The following SLC25A46 variants were observed in gnomAD, a reference collection of about 807,000 sequenced individuals.
SLC25A46 encodes the protein solute carrier family 25 member 46, also known as mitochondrial outer membrane protein SLC25A46.
Under a neutral mutation model 44.6 loss-of-function variants are expected in SLC25A46, and 39 were observed. The ratio of observed to expected loss-of-function variants is 0.87; its 90% CI spans 0.68 to 1.14. The LOEUF (loss-of-function observed/expected upper bound fraction) is 1.14. Ranked by LOEUF, SLC25A46 falls within the 50% of genes most tolerant of loss-of-function variation. The probability of loss-of-function intolerance (pLI) is 0.00; values close to 1 mark genes in which losing one functional copy is unlikely to be tolerated. For missense variants in SLC25A46, 547 were observed against 522.7 expected (o/e 1.05, Z -0.45); for synonymous variants, 202 against 185.8 (o/e 1.09, Z -0.71).
chr5:110,746,381 T>C, intron 4 of SLC25A46, 35 bp downstream of exon 4: 3 of 1,408,340 alleles, frequency 2.1e-6, no homozygotes, highest in Non-Finnish European at 2.9e-6. Flanking sequence ...TAAAGGTTTA[T>C]ATAAGTGTCA....
At chr5:110,742,513 G>A (rs1046761151) in intron 2 of SLC25A46, among the ~76,000 whole-genome samples, 1 of 152,048 alleles carries the variant, frequency 6.6e-6, no homozygotes, top group Admixed American at 6.5e-5. Flanking sequence ...ATGATGCCAT[G>A]TAACTGACGT....
rs1389225741 is a variant in SLC25A46, at chr5:110,739,137, G to A, written c.18G>A (p.Pro6=). Residue 6 remains proline, a synonymous_variant, in exon 1 of 8, where the codon CCG becomes CCA. Coordinates refer to ENST00000355943, the MANE Select transcript of SLC25A46 (RefSeq NM_138773.4). MHPRR[P]DGFDGLGYRG... The stretch of plus-strand genomic sequence containing the variant: ...CCGCTGCGATGCATCCGCGGCGCCC[G>A]GACGGATTTGATGGCTTGGGCTACC... 6.5e-6 allele frequency: 10 copies of A among 1,548,520 alleles called. No homozygotes were observed. The highest frequency in any genetic ancestry group is 7.8e-6 in the Non-Finnish European group (9 of 1,146,718).
intron 4 of SLC25A46, 91 bp downstream of exon 4, chr5:110,746,437 G>A: frequency 1.2e-6 from 1 of 854,926 alleles, no homozygotes; most frequent in Middle Eastern, 2.5e-4. Context: ...CTTTCAGTTT[G>A]GTCAATAAAA....
chr5:110,741,467 T>G (rs2150407762), intron 1 of SLC25A46, among the ~76,000 whole-genome samples: 1 of 152,294 alleles, frequency 6.6e-6, no homozygotes, highest in East Asian at 1.9e-4. Flanking sequence ...AATTTAGAGG[T>G]GCTTTACTTG....
upstream of SLC25A46, chr5:110,738,867 A>G (rs1799498204): frequency 2.0e-5 from 16 of 813,136 alleles, no homozygotes; most frequent in Non-Finnish European, 2.8e-5. Context: ...ATTCCCACCT[A>G]TTCCCTAACG....
At chr5:110,757,613 G>A (rs1421277063) in intron 7 of SLC25A46, among the ~76,000 whole-genome samples, 2 of 151,782 alleles carry the variant, frequency 1.3e-5, no homozygotes, top group Non-Finnish European at 2.9e-5. Context: ...TATTATTTCT[G>A]TTAGAACTAA....
In SLC25A46 at chr5:110,740,755, T is replaced by C. The variant is rs185128872; in HGVS notation, c.284-1292T>C. ...TCACGAGGTCAGGAGATCGAGACCA[T>C]CCTGGCTAACACGATGAAACCCCGT... On this transcript the variant is annotated intron_variant, in intron 1 of 7. Coordinates refer to ENST00000355943, the MANE Select transcript of SLC25A46 (RefSeq NM_138773.4). Among the ~76,000 whole-genome samples the C allele has an allele frequency of 8.9e-3, 1,351 of 152,024 alleles. 20 individuals are homozygous for C. The highest frequency in any genetic ancestry group is 0.031 in the African/African-American group (1,267 of 41,446).
At chr5:110,740,824 T>C (rs6880116) in intron 1 of SLC25A46, among the ~76,000 whole-genome samples, 258 of 152,250 alleles carry the variant, frequency 1.7e-3, no homozygotes, top group African/African-American at 5.8e-3. Flanking sequence ...TGGTGGCGGA[T>C]GCCTGTAGTC....
chr5:110,738,732 C>A, upstream of SLC25A46: 1 of 263,648 alleles, frequency 3.8e-6, no homozygotes, highest in Non-Finnish European at 7.2e-6. Context: ...CGGGTAGGCT[C>A]CACCCGCGGG....
chr5:110,757,015 C>CATT (rs1302214003), intron 7 of SLC25A46: 1 of 302,696 alleles, frequency 3.3e-6, no homozygotes, highest in East Asian at 5.4e-5. Context: ...TCTCAGAACA[C>CATT]AGCCTATAAC....
intron 4 of SLC25A46, among the ~76,000 whole-genome samples, chr5:110,747,099 A>C (rs1425366800): frequency 6.6e-6 from 1 of 152,176 alleles, no homozygotes; most frequent in East Asian, 1.9e-4. Flanking sequence ...TAAAATGTAC[A>C]TGTTCTTTCA....
chr5:110,745,554 G>A (rs1799796003), intron 3 of SLC25A46: 1 of 152,132 alleles, frequency 6.6e-6, no homozygotes, highest in Admixed American at 6.5e-5. Context: ...CGCCCGTCCT[G>A]TTATAACCCA....
intron 7 of SLC25A46, among the ~76,000 whole-genome samples, chr5:110,758,546 G>A (rs747015684): frequency 6.6e-6 from 1 of 151,732 alleles, no homozygotes; most frequent in Non-Finnish European, 1.5e-5. Flanking sequence ...AAGAATCCTT[G>A]AGGCCTAGGT....
rs1409708415 is a variant in SLC25A46 at position 110,755,522 on chromosome 5, G to GT, written c.620+2dup. On this transcript the variant is annotated splice_donor_variant, in intron 6 of 7. Transcript: ENST00000355943. LOFTEE classifies it high-confidence loss of function. Reference sequence around the variant, plus strand: ...TAGGAGAACACCTTCTACTGAAATCGTAAGTATCAAAAAATGGCATTTTTA... The same window carrying GT: ...TAGGAGAACACCTTCTACTGAAATCGTTAAGTATCAAAAAATGGCATTTTTA... 5.1e-6 allele frequency: 8 copies of GT among 1,566,978 alleles called. No homozygotes were observed. Among genetic ancestry groups the GT allele is most frequent in the East Asian group, 2.3e-5 (1 of 43,730 alleles).
rs1800325273 is a variant in SLC25A46, at chr5:110,763,976, G to A, written c.*2194G>A. On this transcript the variant is annotated 3_prime_UTR_variant, in exon 8 of 8. Transcript: ENST00000355943. ...TTTGAAAAGAATGAGTGAGATAACT[G>A]TAAGATACGCTCGTTCCCTTTTAAA... 1 of 151,840 alleles carries A rather than the reference G, an allele frequency of 6.6e-6. No homozygotes were observed. Among genetic ancestry groups the A allele is most frequent in the South Asian group, 2.1e-4 (1 of 4,830 alleles). The allele number at this position is 151,840 out of a possible 1,614,324, so 9.4% of individuals were successfully genotyped here. A position where few individuals can be genotyped will look rare whatever the true frequency, so the allele number is the denominator to read the frequency against.
chr5:110,755,879 C>G (rs1300073717), intron 6 of SLC25A46: 1 of 157,276 alleles, frequency 6.4e-6, no homozygotes, highest in African/African-American at 2.4e-5. Context: ...ATAAGCAAAC[C>G]CAAAAAACCT....
Position 110,761,578 on chromosome 5 carries a change from C to T in SLC25A46, c.1053C>T (p.Asp351=), listed in dbSNP as rs769824421. 1 of 1,613,720 alleles carries T rather than the reference C, an allele frequency of 6.2e-7. No homozygotes were observed. Residue 351 remains aspartate, a synonymous_variant, in exon 8 of 8, where the codon GAC becomes GAT. Coordinates refer to ENST00000355943, the MANE Select transcript of SLC25A46 (RefSeq NM_138773.4). This position sits in a 1 kb window ranked among gnomAD's most constrained non-coding sequence, Gnocchi z 5.3. ...TTCAAGGAACACGCACAATAATTGA[C>T]AATACAGACCTTGGCTATGAAGTGC... ...LHIQGTRTII[D]NTDLGYEVLP...
intron 6 of SLC25A46, 109 bp downstream of exon 6, chr5:110,755,630 T>A: frequency 1.6e-6 from 1 of 632,368 alleles, no homozygotes; most frequent in Non-Finnish European, 2.7e-6. Context: ...ATTAGAGCAG[T>A]GAAATGTTGG....
chr5:110,755,328 A>G (rs1008576868), intron 5 of SLC25A46, 137 bp from the exon 6 acceptor site: 21 of 586,588 alleles, frequency 3.6e-5, no homozygotes, highest in African/African-American at 3.3e-4. Flanking sequence ...AGAAAAGAAA[A>G]TGTTCACCAT....
Sources: allele counts gnomAD v4.1 joint callset (sites outside exome capture counted in the v4.1 genomes callset), GRCh38; gene constraint gnomAD v4.1.1; non-coding constraint Gnocchi (gnomAD v3.1); transcripts MANE v1.5; gene names NCBI Gene and HGNC (gene_info 2026-07-23, HGNC 2026-07-21).